Variants in RABGAP1 observed in about 807,000 individuals in gnomAD.
The protein encoded by RABGAP1 is rab GTPase-activating protein 1.
In RABGAP1, 23 loss-of-function variants were observed where a neutral mutation model predicts 137.6. That is an observed-to-expected ratio of 0.17 (90% CI 0.12 to 0.24). The LOEUF (loss-of-function observed/expected upper bound fraction) is 0.24, where lower values mean the gene tolerates loss of function less well. Among genes scored for constraint, RABGAP1 ranks in the 10% least tolerant of loss-of-function variants. The pLI is 1.00. For missense variants in RABGAP1, 906 were observed against 1,275.8 expected (o/e 0.71, Z 4.42); for synonymous variants, 451 against 450.7 (o/e 1.00, Z -0.01).
chr9:123,025,543 CT>C (rs577474947), intron 13 of RABGAP1, among the ~76,000 whole-genome samples: 8,554 of 75,154 alleles, frequency 0.11, 371 homozygotes, highest in Middle Eastern at 0.24. Flanking sequence ...TCTTTCTTTT[CT>C]TTTTTTTTTT....
intron 13 of RABGAP1, among the ~76,000 whole-genome samples, chr9:123,028,835 C>G (rs1349081347): frequency 6.6e-6 from 1 of 152,206 alleles, no homozygotes; most frequent in Non-Finnish European, 1.5e-5. Flanking sequence ...ATTTAACATT[C>G]ATACGCTTTG....
intron 13 of RABGAP1, 38 bp downstream of exon 13, chr9:123,020,497 T>G (rs1270916873): frequency 1.4e-6 from 2 of 1,452,860 alleles, no homozygotes; most frequent in Non-Finnish European, 1.8e-6. Flanking sequence ...ATTAATCCTT[T>G]TAGAGATTTG....
chr9:123,083,027 C>A lies in RABGAP1; in HGVS notation c.2424+6265C>A, dbSNP rs546639228. ...CAGAATCATACACAGTGCTCTCATA[C>A]AGTGAAATAATCCTCACAGTGACCA... On this transcript the variant is annotated intron_variant, in intron 19 of 25. Coordinates refer to ENST00000373647, the MANE Select transcript of RABGAP1 (RefSeq NM_012197.4). Among the ~76,000 whole-genome samples the A allele has an allele frequency of 2.6e-5, 4 of 152,280 alleles. No homozygotes were observed. In the South Asian group the frequency reaches 8.3e-4, roughly 32 times the overall value.
intron 13 of RABGAP1, among the ~76,000 whole-genome samples, chr9:123,036,844 G>GA (rs1233266182): frequency 1.3e-5 from 2 of 150,764 alleles, no homozygotes; most frequent in East Asian, 3.9e-4. Flanking sequence ...CAAAGTACTA[G>GA]AAAAACCTAT....
At chr9:123,024,770 C>T (rs1289683485) in intron 13 of RABGAP1, among the ~76,000 whole-genome samples, 1 of 152,064 alleles carries the variant, frequency 6.6e-6, no homozygotes, top group Non-Finnish European at 1.5e-5. Context: ...TCTCTGGCTA[C>T]CAGTAAATTT....
chr9:122,973,681 A>ATC (rs904049177), intron 2 of RABGAP1, among the ~76,000 whole-genome samples: 1 of 152,134 alleles, frequency 6.6e-6, no homozygotes, highest in African/African-American at 2.4e-5. Flanking sequence ...GCCGAAACTA[A>ATC]TCTTCTGATT....
At chr9:122,967,494 G>T (rs1160794015) in intron 2 of RABGAP1, among the ~76,000 whole-genome samples, 1 of 152,170 alleles carries the variant, frequency 6.6e-6, no homozygotes, top group African/African-American at 2.4e-5. Context: ...AGTCTCCTGT[G>T]CGTAAGTAGA....
At chr9:122,964,945 G>T (rs1228329776) in intron 2 of RABGAP1, among the ~76,000 whole-genome samples, 1 of 152,146 alleles carries the variant, frequency 6.6e-6, no homozygotes, top group African/African-American at 2.4e-5. Flanking sequence ...GCAGTGCGTT[G>T]TGATCATAAC....
At chr9:122,947,643 T>C (rs949231227) in intron 1 of RABGAP1, among the ~76,000 whole-genome samples, 1 of 152,238 alleles carries the variant, frequency 6.6e-6, no homozygotes, top group Non-Finnish European at 1.5e-5. Context: ...AAGTAAATTG[T>C]CACAGTTACG....
chr9:123,043,131 T>C (rs1163884274), intron 13 of RABGAP1, among the ~76,000 whole-genome samples: 1 of 152,202 alleles, frequency 6.6e-6, no homozygotes, highest in African/African-American at 2.4e-5. Flanking sequence ...TCACAAAATA[T>C]TCACCTGCCT....
chr9:123,040,177 C>T (rs569422211), intron 13 of RABGAP1, among the ~76,000 whole-genome samples: 1 of 152,246 alleles, frequency 6.6e-6, no homozygotes, highest in African/African-American at 2.4e-5. Context: ...TTCCAGGAAG[C>T]CTCACTGTTC....
chr9:122,959,364 CAA>C lies in RABGAP1; in HGVS notation c.150+2174_150+2175del, dbSNP rs33932737. Among the ~76,000 whole-genome samples the C allele has an allele frequency of 5.6e-5, 6 of 107,736 alleles. No individual in the cohort carries two copies. The East Asian group carries it at 1.4e-3, about 24-fold the overall frequency. 70.7% of individuals were successfully genotyped at this position (107,736 alleles called of 152,430 possible). A position where few individuals can be genotyped will look rare whatever the true frequency, so the allele number is the denominator to read the frequency against. On this transcript the variant is annotated intron_variant, in intron 2 of 25. Coordinates refer to ENST00000373647, the MANE Select transcript of RABGAP1 (RefSeq NM_012197.4). ...GCTTAATAGAAAGTGTGGGGCTTTA[CAA>C]AAAAAAAAAAAAAAAAAAGAGTGGA...
the RABGAP1 span, among the ~76,000 whole-genome samples, chr9:122,933,428 C>T: frequency 7.0e-6 from 1 of 143,072 alleles, no homozygotes; most frequent in African/African-American, 2.9e-5. Flanking sequence ...CATGTTATAT[C>T]TTTTTTCATT....
chr9:123,001,391 G>C (rs538697328), intron 10 of RABGAP1, among the ~76,000 whole-genome samples: 6 of 152,134 alleles, frequency 3.9e-5, no homozygotes, highest in Admixed American at 2.0e-4. Context: ...GTGTATGTGG[G>C]GCTTACTTGA....
intron 2 of RABGAP1, among the ~76,000 whole-genome samples, chr9:122,961,872 A>G (rs1171707868): frequency 6.6e-6 from 1 of 152,184 alleles, no homozygotes; most frequent in Non-Finnish European, 1.5e-5. Context: ...ATAGGGACAG[A>G]TCTGTGTTTG....
chr9:123,044,647 GTGTGTGTA>G (rs1393179236), intron 13 of RABGAP1, among the ~76,000 whole-genome samples: 2 of 152,012 alleles, frequency 1.3e-5, no homozygotes, highest in Non-Finnish European at 1.5e-5. Flanking sequence ...GTGTGTGTGT[GTGTGTGTA>G]TGTGTATGTA....
chr9:123,027,333 C>T (rs962502011), intron 13 of RABGAP1, among the ~76,000 whole-genome samples: 1 of 152,108 alleles, frequency 6.6e-6, no homozygotes, highest in East Asian at 1.9e-4. Context: ...CCAGGATGGC[C>T]TCGATCTCTT....
In RABGAP1 at chr9:123,103,040, G is replaced by A. The variant is rs375631405; in HGVS notation, c.3088-51G>A. ...GTCTTGGTTCTCCTCTGGGGAGCCAGTGTCATTGACACCAAGCCCAGCATC... is the reference window on the plus strand; with the variant it reads ...GTCTTGGTTCTCCTCTGGGGAGCCAATGTCATTGACACCAAGCCCAGCATC... On this transcript the variant is annotated intron_variant, in intron 25 of 25. Coordinates refer to ENST00000373647, the MANE Select transcript of RABGAP1 (RefSeq NM_012197.4). 5 of 1,594,026 alleles carry A rather than the reference G, an allele frequency of 3.1e-6. No individual in the cohort carries two copies. In the African/African-American group the frequency reaches 4.0e-5, roughly 13 times the overall value.
chr9:123,006,197 A>G (rs1235123081), intron 10 of RABGAP1, among the ~76,000 whole-genome samples: 1 of 152,130 alleles, frequency 6.6e-6, no homozygotes, highest in Non-Finnish European at 1.5e-5. Flanking sequence ...CTTCTTATGT[A>G]CTTGAATATA....
Sources: gnomAD v4.1 joint callset for allele counts (sites outside exome capture counted in the v4.1 genomes callset) on GRCh38, gnomAD v4.1.1 for gene constraint, MANE v1.5 for transcripts, NCBI Gene and HGNC (gene_info 2026-07-23, HGNC 2026-07-21) for gene names.